Variants in ZNF592 observed in about 807,000 individuals in gnomAD.
The protein encoded by ZNF592 is spinocerebellar ataxia, autosomal recessive 5.
In ZNF592, 11 loss-of-function variants were observed where a neutral mutation model predicts 80.3. The ratio of observed to expected loss-of-function variants is 0.14; its 90% CI spans 0.09 to 0.23. ZNF592 has a LOEUF of 0.23. ZNF592 is among the 10% of genes least tolerant of loss of function. ZNF592 has a pLI of 1.00. For synonymous variants in ZNF592, 646 were observed against 640.3 expected, an observed-to-expected ratio of 1.01 and a Z score of -0.13; for missense variants, 1,420 against 1,633.9, an observed-to-expected ratio of 0.87 and a Z score of 2.26.
chr15:84,783,614 G>A lies in ZNF592; in HGVS notation c.939G>A (p.Gly313=), dbSNP rs765926158. Reference sequence around the variant, plus strand: ...CTGGCCACACAAAGGATCTCTCAGGGCCCACTAAAGAGAGTTCTAAAGGTA... The same window carrying A: ...CTGGCCACACAAAGGATCTCTCAGGACCCACTAAAGAGAGTTCTAAAGGTA... ...DQPGHTKDLS[G]PTKESSKGSP... is the part of the protein sequence containing the mutation. Residue 313 remains glycine, a synonymous_variant, in exon 4 of 11, where the codon GGG becomes GGA. Transcript: ENST00000560079. This position sits in a 1 kb window ranked among gnomAD's most constrained non-coding sequence, Gnocchi z 5.0. 45 of 1,614,066 alleles carry A rather than the reference G, an allele frequency of 2.8e-5. No individual in the cohort carries two copies. Among genetic ancestry groups the A allele is most frequent in the Non-Finnish European group, 3.7e-5 (44 of 1,180,046 alleles).
rs190821482 is a variant in ZNF592, at chr15:84,799,524, C to T, written c.3137+314C>T. Among the ~76,000 whole-genome samples, 24 of 152,344 alleles carry T rather than the reference C, an allele frequency of 1.6e-4. No homozygotes were observed. The highest frequency in any genetic ancestry group is 3.3e-4 in the Admixed American group (5 of 15,302). ...CACCCCTGGGGCCGAGAGGCTTCTG[C>T]ACCATCTGCCTGTGCCTTGGGGTGG... On this transcript the variant is annotated intron_variant, in intron 9 of 10. Coordinates refer to ENST00000560079, the MANE Select transcript of ZNF592 (RefSeq NM_014630.3). This position sits in a 1 kb window ranked among gnomAD's most constrained non-coding sequence, Gnocchi z 4.2.
Position 84,799,221 on chromosome 15 carries a change from G to A in ZNF592, c.3137+11G>A. 2 of 1,613,512 alleles carry A rather than the reference G, an allele frequency of 1.2e-6. No homozygotes were observed. The highest frequency in any genetic ancestry group is 2.2e-5 in the East Asian group (1 of 44,882). On this transcript the variant is annotated intron_variant, in intron 9 of 10. Transcript: ENST00000560079. This position sits in a 1 kb window ranked among gnomAD's most constrained non-coding sequence, Gnocchi z 4.2. The stretch of plus-strand genomic sequence containing the variant: ...GTTCTACACCTGCGGGTGAGTCCCT[G>A]GGGATAGTAGTGAGGAGGCCTGAGG...
Position 84,799,745 on chromosome 15 carries a change from C to G in ZNF592, c.3138-97C>G. On this transcript the variant is annotated intron_variant, in intron 9 of 10. Transcript: ENST00000560079. This position sits in a 1 kb window ranked among gnomAD's most constrained non-coding sequence, Gnocchi z 4.2. ...TCCCAGCACTAGCCAGCCCAGGAGT[C>G]TGCTCCAGACTCCCTCCTTCCTGGC... The G allele has an allele frequency of 1.3e-6, 2 of 1,586,308 alleles. No individual in the cohort carries two copies. The highest frequency in any genetic ancestry group is 1.7e-6 in the Non-Finnish European group (2 of 1,166,506).
intron 4 of ZNF592, among the ~76,000 whole-genome samples, 156 bp downstream of exon 4, chr15:84,785,051 T>G (rs1473865542): frequency 1.3e-5 from 2 of 152,280 alleles, no homozygotes; most frequent in Admixed American, 1.3e-4. Flanking sequence ...GTTTGGTGTT[T>G]GTTGGAAAAG....
Position 84,799,189 on chromosome 15 carries a change from T to C in ZNF592, c.3116T>C (p.Val1039Ala). 1 of 1,613,864 alleles carries C rather than the reference T, an allele frequency of 6.2e-7. No individual in the cohort carries two copies. The highest frequency in any genetic ancestry group is 2.2e-5 in the East Asian group (1 of 44,862). The change falls in exon 9 of 11, where the codon GTA becomes GCA. Residue 1039 changes from valine to alanine, a missense_variant. Transcript: ENST00000560079. This position sits in a 1 kb window ranked among gnomAD's most constrained non-coding sequence, Gnocchi z 4.2. ...CACATCCGCAACAACCATGACACAGTAAAGAAGTTCTACACCTGCGGGTGA... is the reference window on the plus strand; with the variant it reads ...CACATCCGCAACAACCATGACACAGCAAAGAAGTTCTACACCTGCGGGTGA... ...RKHIRNNHDT[V>A]KKFYTCGYCT... is the part of the protein sequence containing the mutation.
chr15:84,786,055 C>T (rs1462721718), intron 4 of ZNF592, among the ~76,000 whole-genome samples: 2 of 152,088 alleles, frequency 1.3e-5, no homozygotes, highest in African/African-American at 4.8e-5. Context: ...AGTAAAACAG[C>T]TCTTTTTGCT....
rs35020131 is a variant in ZNF592, at chr15:84,785,865, TA to T, written c.2220+985del. On this transcript the variant is annotated intron_variant, in intron 4 of 10. Transcript: ENST00000560079. Reference sequence around the variant, plus strand: ...TTGGTTATGCTTGATGAGATTCATTTAAAAAAAAAAAAAAAGCCTTCTGCGC... The same window carrying T: ...TTGGTTATGCTTGATGAGATTCATTTAAAAAAAAAAAAAAGCCTTCTGCGC... Among the ~76,000 whole-genome samples, 1,289 of 139,886 alleles carry T rather than the reference TA, an allele frequency of 9.2e-3. 4 individuals carry two copies. The highest frequency in any genetic ancestry group is 0.012 in the African/African-American group (443 of 37,406). The allele number at this position is 139,886 out of a possible 152,430, so 91.8% of individuals were successfully genotyped here.
At chr15:84,751,743 A>G (rs1899021870) in intron 1 of ZNF592, among the ~76,000 whole-genome samples, 1 of 151,980 alleles carries the variant, frequency 6.6e-6, no homozygotes. Flanking sequence ...TGTCTCTACT[A>G]AAAATATAAA....
rs971858362 is a variant in ZNF592 at position 84,805,349 on chromosome 15, T to C, written c.*2956T>C. ...TTTTCTTTTTCAAGATTTTTTTAAA[T>C]GGTTGTGCTATCATTTGTCATCATC... is the stretch of plus-strand genomic sequence containing the variant. On this transcript the variant is annotated 3_prime_UTR_variant, in exon 11 of 11. Coordinates refer to ENST00000560079, the MANE Select transcript of ZNF592 (RefSeq NM_014630.3). 3 of 152,234 alleles carry C rather than the reference T, an allele frequency of 2.0e-5. No individual in the cohort carries two copies. The highest frequency in any genetic ancestry group is 4.4e-5 in the Non-Finnish European group (3 of 68,038). The allele number at this position is 152,234 out of a possible 1,614,324, so 9.4% of individuals were successfully genotyped here. A position where few individuals can be genotyped will look rare whatever the true frequency, so the allele number is the denominator to read the frequency against.
intron 1 of ZNF592, among the ~76,000 whole-genome samples, chr15:84,762,069 G>A (rs1899368568): frequency 6.6e-6 from 1 of 152,138 alleles, no homozygotes; most frequent in African/African-American, 2.4e-5. Flanking sequence ...TTTGGTATGA[G>A]TCATATTTTG....
chr15:84,798,364 A>G lies in ZNF592; in HGVS notation c.2626A>G (p.Ile876Val). The G allele has an allele frequency of 3.1e-6, 5 of 1,614,252 alleles. No individual in the cohort carries two copies. In the South Asian group the frequency reaches 3.3e-5, roughly 11 times the overall value. ...AATGGTCTTCAACAAGAAGAGGCACATTCAGCAGCATTTTTACCAGAATGT... is the reference window on the plus strand; with the variant it reads ...AATGGTCTTCAACAAGAAGAGGCACGTTCAGCAGCATTTTTACCAGAATGT... ...CEMVFNKKRH[I>V]QQHFYQNVSK... is the part of the protein sequence containing the mutation. Residue 876 changes from isoleucine to valine, a missense_variant, in exon 7 of 11, where the codon ATT becomes GTT. Physicochemically the swap from Ile to Val is conservative, Grantham distance 29. This residue lies in a region of ZNF592 where 331 missense variants were observed against 347.0 expected (regional missense o/e 0.95). Transcript: ENST00000560079. This position sits in a 1 kb window ranked among gnomAD's most constrained non-coding sequence, Gnocchi z 4.5.
chr15:84,781,180 C>A (rs1360388148), intron 3 of ZNF592, among the ~76,000 whole-genome samples: 3 of 152,052 alleles, frequency 2.0e-5, no homozygotes, highest in African/African-American at 7.2e-5. Flanking sequence ...TCCGGAGTAG[C>A]TGGGATTAAG....
At chr15:84,777,791 C>G (rs903339587) in intron 2 of ZNF592, among the ~76,000 whole-genome samples, 18 of 150,926 alleles carry the variant, frequency 1.2e-4, no homozygotes, top group Non-Finnish European at 2.9e-5. Context: ...GCTCCGCCTC[C>G]CGGGTTTACG....
At chr15:84,800,867 T>C (rs563769584) in intron 10 of ZNF592, among the ~76,000 whole-genome samples, 1 of 152,358 alleles carries the variant, frequency 6.6e-6, no homozygotes, top group Admixed American at 6.5e-5. Flanking sequence ...AAGACGGAAC[T>C]CAGCTAAATG....
intron 1 of ZNF592, among the ~76,000 whole-genome samples, chr15:84,756,752 G>T (rs1261275373): frequency 6.6e-6 from 1 of 152,132 alleles, no homozygotes; most frequent in Non-Finnish European, 1.5e-5. Context: ...TTTTTTAAGA[G>T]ATAGGAGTCT....
intron 2 of ZNF592, among the ~76,000 whole-genome samples, chr15:84,765,535 GTT>G (rs71453265): frequency 3.3e-5 from 3 of 92,290 alleles, no homozygotes; most frequent in South Asian, 4.0e-4. Flanking sequence ...TGTTATTATT[GTT>G]TTTTTTTTTT....
intron 1 of ZNF592, among the ~76,000 whole-genome samples, chr15:84,758,448 A>AT (rs1339868181): frequency 6.6e-6 from 1 of 150,742 alleles, no homozygotes; most frequent in Non-Finnish European, 1.5e-5. Context: ...ACACCAACTA[A>AT]TTTTTTTGTA....
rs1005436931 is a variant in ZNF592, at chr15:84,759,958, C to G, written c.-258-4749C>G. On this transcript the variant is annotated intron_variant, in intron 1 of 10. Transcript: ENST00000560079. ...GTCTTTAAGGATTGGGGAGATTCCC[C>G]CCCCCCCCACCCTGCCATTTAAAAA... Among the ~76,000 whole-genome samples the G allele has an allele frequency of 5.9e-4, 24 of 40,916 alleles. 2 individuals carry two copies. In the East Asian group the frequency reaches 0.038, roughly 66 times the overall value. The allele number at this position is 40,916 out of a possible 152,430, so 26.8% of individuals were successfully genotyped here.
At chr15:84,794,339 A>C (rs541405566) in intron 5 of ZNF592, among the ~76,000 whole-genome samples, 195 of 152,268 alleles carry the variant, frequency 1.3e-3, no homozygotes, top group African/African-American at 4.5e-3. Flanking sequence ...CCCCACCAGC[A>C]GTGTATCTAG....
Sources: gnomAD v4.1 joint callset for allele counts (sites outside exome capture counted in the v4.1 genomes callset) on GRCh38, gnomAD v4.1.1 for gene constraint, gnomAD v4.1.1 regional missense constraint, Gnocchi (gnomAD v3.1) non-coding constraint, MANE v1.5 for transcripts, NCBI Gene and HGNC (gene_info 2026-07-23, HGNC 2026-07-21) for gene names.